Variants in AGAP1 observed in about 807,000 individuals in gnomAD.
AGAP1 encodes ArfGAP with GTPase domain, ankyrin repeat and PH domain 1.
In AGAP1, 29 loss-of-function variants were observed where a neutral mutation model predicts 105.3. The ratio of observed to expected loss-of-function variants is 0.28; its 90% CI spans 0.21 to 0.38. AGAP1 has a LOEUF of 0.38. Ranked by LOEUF, AGAP1 falls within the 10% of genes least tolerant of loss-of-function variation. The pLI is 1.00. For missense variants in AGAP1, 998 were observed against 1,165.1 expected, an observed-to-expected ratio of 0.86 and a Z score of 2.09; for synonymous variants, 509 against 485.9, an observed-to-expected ratio of 1.05 and a Z score of -0.63.
intron 3 of AGAP1, chr2:235,718,288 A>G (rs1951219422): frequency 1.3e-5 from 11 of 831,150 alleles, no homozygotes; most frequent in East Asian, 1.2e-4. Flanking sequence ...TTCTAAATGA[A>G]ATTTTCTCTC....
intron 1 of AGAP1, among the ~76,000 whole-genome samples, chr2:235,598,667 G>A (rs1372009801): frequency 1.3e-5 from 2 of 152,136 alleles, no homozygotes; most frequent in African/African-American, 2.4e-5. Context: ...AAAAGGAGCC[G>A]CTTATGCTAA....
At chr2:235,835,189 G>T (rs746866400) in intron 9 of AGAP1, among the ~76,000 whole-genome samples, 156 of 152,318 alleles carry the variant, frequency 1.0e-3, no homozygotes, top group Middle Eastern at 3.4e-3. Flanking sequence ...CTTTCAGTAA[G>T]TGCCAGCTGG....
At chr2:235,829,417 T>C (rs1221383181) in intron 9 of AGAP1, among the ~76,000 whole-genome samples, 1 of 152,222 alleles carries the variant, frequency 6.6e-6, no homozygotes, top group Admixed American at 6.5e-5. Flanking sequence ...GCCATGTTAA[T>C]AACCAGGTTC....
At chr2:235,598,675 T>C (rs1398427626) in intron 1 of AGAP1, among the ~76,000 whole-genome samples, 2 of 152,222 alleles carry the variant, frequency 1.3e-5, no homozygotes, top group African/African-American at 4.8e-5. Flanking sequence ...CCGCTTATGC[T>C]AAATGTACAG....
Position 235,586,878 on chromosome 2 carries a change from A to G in AGAP1, c.163+92029A>G, listed in dbSNP as rs1235805148. On this transcript the variant is annotated intron_variant, in intron 1 of 17. Transcript: ENST00000304032. The surrounding 1 kb of genome is among the most constrained non-coding windows in gnomAD (Gnocchi z 4.2). ...GACGGGTTTTGTCGGAGTGTAGTTC[A>G]TATACCATGCACAGCCTGTCAGCAT... 1.3e-5 allele frequency among the ~76,000 whole-genome samples: 2 copies of G among 152,206 alleles called. No homozygotes were observed. Among genetic ancestry groups the G allele is most frequent in the African/African-American group, 4.8e-5 (2 of 41,444 alleles).
intron 12 of AGAP1, among the ~76,000 whole-genome samples, chr2:235,948,901 C>T (rs1431318824): frequency 1.3e-5 from 2 of 152,178 alleles, no homozygotes; most frequent in Non-Finnish European, 2.9e-5. Flanking sequence ...GAGCCTATCC[C>T]GTGTCCAGTA....
chr2:235,773,672 C>T (rs183405852), intron 6 of AGAP1, among the ~76,000 whole-genome samples: 46 of 152,236 alleles, frequency 3.0e-4, no homozygotes, highest in African/African-American at 9.1e-4. Context: ...TAAATAATAG[C>T]GCCAGTTCAT....
rs1368947951 is a variant in AGAP1 at position 236,045,338 on chromosome 2, T to C, written c.1892-3721T>C. Among the ~76,000 whole-genome samples, 1 of 152,188 alleles carries C rather than the reference T, an allele frequency of 6.6e-6. No homozygotes were observed. The highest frequency in any genetic ancestry group is 2.4e-5 in the African/African-American group (1 of 41,450). On this transcript the variant is annotated intron_variant, in intron 15 of 17. Coordinates refer to ENST00000304032, the MANE Select transcript of AGAP1 (RefSeq NM_001037131.3). The surrounding 1 kb of genome is among the most constrained non-coding windows in gnomAD (Gnocchi z 6.9). ...ATCCCCAGAAGCCAGTGTGTTAATA[T>C]TGGTTGAATACGTGAAGGAACAGAT...
At chr2:235,588,377 C>G (rs970444463) in intron 1 of AGAP1, among the ~76,000 whole-genome samples, 1 of 152,130 alleles carries the variant, frequency 6.6e-6, no homozygotes, top group African/African-American at 2.4e-5. Flanking sequence ...CTCCACTTCT[C>G]TACACTCAAC....
In AGAP1 at chr2:236,089,525, G is replaced by A. The variant is rs2059008919; in HGVS notation, c.2115-30667G>A. ...ATGGCCTGCGCCTGTTGCCGTTGAT[G>A]AGACCCAAAGTCTGGAACGAATCTG... On this transcript the variant is annotated intron_variant, in intron 16 of 17. Coordinates refer to ENST00000304032, the MANE Select transcript of AGAP1 (RefSeq NM_001037131.3). The surrounding 1 kb of genome is among the most constrained non-coding windows in gnomAD (Gnocchi z 5.6). Among the ~76,000 whole-genome samples, 1 of 152,218 alleles carries A rather than the reference G, an allele frequency of 6.6e-6. No homozygotes were observed. The highest frequency in any genetic ancestry group is 1.5e-5 in the Non-Finnish European group (1 of 68,038).
At chr2:236,103,283 C>T (rs1396530597) in intron 16 of AGAP1, among the ~76,000 whole-genome samples, 6 of 152,188 alleles carry the variant, frequency 3.9e-5, no homozygotes, top group Admixed American at 3.9e-4. Flanking sequence ...GGGTGCCAAG[C>T]TCTGCTGTTT....
chr2:236,037,125 C>T (rs1039470012), intron 14 of AGAP1: 3 of 182,610 alleles, frequency 1.6e-5, no homozygotes, highest in African/African-American at 7.2e-5. Context: ...GGAAAACCGT[C>T]TCTTGTTAGG....
intron 1 of AGAP1, among the ~76,000 whole-genome samples, chr2:235,626,231 A>G (rs1373004261): frequency 6.6e-6 from 1 of 151,038 alleles, no homozygotes; most frequent in East Asian, 1.9e-4. Context: ...GGTGGTGCAT[A>G]CCTGTAATCC....
intron 12 of AGAP1, among the ~76,000 whole-genome samples, chr2:235,955,436 C>T (rs1007433855): frequency 6.6e-6 from 1 of 152,086 alleles, no homozygotes; most frequent in Non-Finnish European, 1.5e-5. Flanking sequence ...CAGAGCCCCA[C>T]GAATGCTCAT....
At position 236,095,939 on chromosome 2, in the gene AGAP1, A is replaced by G. The variant is rs1218189476; in HGVS notation, c.2115-24253A>G. On this transcript the variant is annotated intron_variant, in intron 16 of 17. Coordinates refer to ENST00000304032, the MANE Select transcript of AGAP1 (RefSeq NM_001037131.3). This position sits in a 1 kb window ranked among gnomAD's most constrained non-coding sequence, Gnocchi z 4.1. ...CTTTTCTGTGTGACGCTGCTCTTTT[A>G]GAAATTCTTCCGTGATTCAGGGTTC... 1.3e-5 allele frequency among the ~76,000 whole-genome samples: 2 copies of G among 152,164 alleles called. No individual in the cohort carries two copies. The highest frequency in any genetic ancestry group is 6.5e-5 in the Admixed American group (1 of 15,278).
At position 235,600,451 on chromosome 2, in the gene AGAP1, C is replaced by A. The variant is rs1426454269; in HGVS notation, c.163+105602C>A. 6.6e-6 allele frequency among the ~76,000 whole-genome samples: 1 copy of A among 152,104 alleles called. No homozygotes were observed. Among genetic ancestry groups the A allele is most frequent in the Non-Finnish European group, 1.5e-5 (1 of 68,010 alleles). On this transcript the variant is annotated intron_variant, in intron 1 of 17. Transcript: ENST00000304032. The surrounding 1 kb of genome is among the most constrained non-coding windows in gnomAD (Gnocchi z 4.8). ...CTGTAGATACCCCCTCATTACAGAC[C>A]CCCACCATCCCCGCTGGATTAGGGT...
At chr2:235,647,728 G>A (rs1235751421) in intron 1 of AGAP1, among the ~76,000 whole-genome samples, 2 of 152,020 alleles carry the variant, frequency 1.3e-5, no homozygotes, top group Non-Finnish European at 2.9e-5. Context: ...AAATCCTAGT[G>A]TTGACAATAT....
rs1946120143 is a variant in AGAP1, at chr2:235,611,410, A to T, written c.164-97769A>T. Among the ~76,000 whole-genome samples, 1 of 152,258 alleles carries T rather than the reference A, an allele frequency of 6.6e-6. No homozygotes were observed. Among genetic ancestry groups the T allele is most frequent in the Admixed American group, 6.5e-5 (1 of 15,288 alleles). On this transcript the variant is annotated intron_variant, in intron 1 of 17. Coordinates refer to ENST00000304032, the MANE Select transcript of AGAP1 (RefSeq NM_001037131.3). The surrounding 1 kb of genome is among the most constrained non-coding windows in gnomAD (Gnocchi z 5.0). ...TCCTCAATGCAGCCTTCATATTTTC[A>T]TAATGAATAGTTATTGTGAAGGAGC...
At chr2:236,010,249 A>G (rs1201409908) in intron 13 of AGAP1, among the ~76,000 whole-genome samples, 1 of 152,206 alleles carries the variant, frequency 6.6e-6, no homozygotes, top group Non-Finnish European at 1.5e-5. Flanking sequence ...GAGGTGTAAT[A>G]ATTGGGAGCT....
Sources: gnomAD v4.1 joint callset for allele counts (sites outside exome capture counted in the v4.1 genomes callset) on GRCh38, gnomAD v4.1.1 for gene constraint, Gnocchi (gnomAD v3.1) non-coding constraint, MANE v1.5 for transcripts, NCBI Gene and HGNC (gene_info 2026-07-23, HGNC 2026-07-21) for gene names.